The following NRXN3 variants were observed in gnomAD, a reference collection of about 807,000 sequenced individuals.
The protein encoded by NRXN3 is neurexin III.
A neutral mutation model predicts 137.6 loss-of-function variants in NRXN3; 32 were observed. The ratio of observed to expected loss-of-function variants is 0.23; its 90% CI spans 0.18 to 0.31. NRXN3 has a LOEUF of 0.31. NRXN3 is among the 10% of genes least tolerant of loss of function. The probability of loss-of-function intolerance (pLI) is 1.00; values close to 1 mark genes in which losing one functional copy is unlikely to be tolerated. For missense variants in NRXN3, 1,574 were observed against 2,062.5 expected (o/e 0.76, Z 4.59); for synonymous variants, 798 against 784.5 (o/e 1.02, Z -0.29).
chr14:79,472,299 C>A (rs1344086432), intron 16 of NRXN3, among the ~76,000 whole-genome samples: 1 of 152,082 alleles, frequency 6.6e-6, no homozygotes, highest in Non-Finnish European at 1.5e-5. Flanking sequence ...CTAAAGTCTT[C>A]CCACTCATCT....
At chr14:79,823,872 G>C in intron 20 of NRXN3, 1 of 446,646 alleles carries the variant, frequency 2.2e-6, no homozygotes, top group Non-Finnish European at 4.5e-6. Flanking sequence ...TAACACATTA[G>C]TTCCATAAGG....
intron 15 of NRXN3, among the ~76,000 whole-genome samples, chr14:79,418,268 T>C (rs1347274775): frequency 6.6e-6 from 1 of 152,186 alleles, no homozygotes; most frequent in Non-Finnish European, 1.5e-5. Flanking sequence ...TCAGTAATTA[T>C]AAGTCTATAA....
At chr14:79,714,406 C>T (rs535962590) in intron 19 of NRXN3, among the ~76,000 whole-genome samples, 76 of 152,226 alleles carry the variant, frequency 5.0e-4, no homozygotes, top group African/African-American at 8.9e-4. Context: ...AGCCAGAAAA[C>T]GAAGCTGGAG....
chr14:79,139,225 G>T (rs966673807), intron 15 of NRXN3, among the ~76,000 whole-genome samples: 2 of 152,148 alleles, frequency 1.3e-5, no homozygotes, highest in Non-Finnish European at 2.9e-5. Flanking sequence ...TCCATGAATG[G>T]GATCATCTAA....
intron 15 of NRXN3, among the ~76,000 whole-genome samples, chr14:79,222,362 C>A (rs1311660561): frequency 6.6e-6 from 1 of 151,940 alleles, no homozygotes; most frequent in Non-Finnish European, 1.5e-5. Flanking sequence ...TAGCTCATTT[C>A]TCCTGACTGC....
At chr14:79,126,871 C>G (rs926487963) in intron 15 of NRXN3, among the ~76,000 whole-genome samples, 12 of 152,138 alleles carry the variant, frequency 7.9e-5, no homozygotes, top group African/African-American at 2.7e-4. Context: ...GCCATTGTAA[C>G]TGGTGTGAGA....
chr14:79,657,379 G>A (rs1408694543), intron 16 of NRXN3, among the ~76,000 whole-genome samples: 1 of 152,142 alleles, frequency 6.6e-6, no homozygotes, highest in African/African-American at 2.4e-5. Context: ...AAGGGGAGGG[G>A]ACTGGGTCAT....
intron 4 of NRXN3, among the ~76,000 whole-genome samples, chr14:78,642,986 A>G (rs2097650292): frequency 6.6e-6 from 1 of 152,216 alleles, no homozygotes. Flanking sequence ...GCAAGCAGAC[A>G]TATGCAGGTA....
intron 16 of NRXN3, among the ~76,000 whole-genome samples, chr14:79,565,347 G>GTGTATATATATA (rs1491496752): frequency 4.1e-5 from 6 of 146,630 alleles, no homozygotes; most frequent in Non-Finnish European, 6.0e-5. Context: ...ACATATGTGT[G>GTGTATATATATA]CGTATATGTA....
chr14:79,364,418 G>A (rs1270808396), intron 15 of NRXN3, among the ~76,000 whole-genome samples: 2 of 152,140 alleles, frequency 1.3e-5, no homozygotes, highest in African/African-American at 2.4e-5. Flanking sequence ...CGAAGTATGG[G>A]ATGCTTCCCA....
chr14:78,224,833 C>A (rs956039286), intron 1 of NRXN3, among the ~76,000 whole-genome samples: 1 of 123,044 alleles, frequency 8.1e-6, no homozygotes, highest in Non-Finnish European at 1.6e-5. Flanking sequence ...GTGGCGCAAT[C>A]TCGGCTCACT....
At chr14:78,557,468 G>A (rs1161195343) in intron 4 of NRXN3, among the ~76,000 whole-genome samples, 7 of 152,142 alleles carry the variant, frequency 4.6e-5, no homozygotes, top group Non-Finnish European at 1.0e-4. Context: ...GTGTGGCCTT[G>A]AACAATTCAC....
intron 4 of NRXN3, among the ~76,000 whole-genome samples, chr14:78,467,393 G>A (rs1007562757): frequency 2.6e-5 from 4 of 152,148 alleles, no homozygotes; most frequent in African/African-American, 9.7e-5. Flanking sequence ...AACAACACAA[G>A]CACAATAAAA....
At chr14:78,649,354 G>T (rs2097717018) in intron 5 of NRXN3, 4 of 1,075,518 alleles carry the variant, frequency 3.7e-6, no homozygotes, top group Non-Finnish European at 5.1e-6. Flanking sequence ...GGTTTGCCGT[G>T]TGTTGCCCCC....
chr14:79,630,138 C>T (rs546677840), intron 16 of NRXN3, among the ~76,000 whole-genome samples: 1 of 152,206 alleles, frequency 6.6e-6, no homozygotes, highest in East Asian at 1.9e-4. Flanking sequence ...ACTTTTCTGT[C>T]CACAGGGGTA....
chr14:78,264,186 G>T (rs908231055), intron 2 of NRXN3, among the ~76,000 whole-genome samples: 2 of 152,260 alleles, frequency 1.3e-5, no homozygotes, highest in African/African-American at 4.8e-5. Context: ...AGAATCTACA[G>T]CCCCTCTTGT....
chr14:79,775,153 ATTAATG>A (rs1374847173), intron 19 of NRXN3, among the ~76,000 whole-genome samples: 1 of 152,134 alleles, frequency 6.6e-6, no homozygotes, highest in Non-Finnish European at 1.5e-5. Flanking sequence ...TCTATGATCT[ATTAATG>A]TCACAACCAG....
intron 15 of NRXN3, among the ~76,000 whole-genome samples, chr14:79,359,777 A>C (rs2093620754): frequency 6.6e-6 from 1 of 151,338 alleles, no homozygotes; most frequent in Non-Finnish European, 1.5e-5. Context: ...CACCATGTTG[A>C]GCAGAGCAAT....
At chr14:79,127,478 A>G (rs1303800168) in intron 15 of NRXN3, among the ~76,000 whole-genome samples, 1 of 152,174 alleles carries the variant, frequency 6.6e-6, no homozygotes, top group African/African-American at 2.4e-5. Flanking sequence ...CAAAAATCAG[A>G]TAGTTGTAGA....
Sources: allele counts gnomAD v4.1 joint callset (sites outside exome capture counted in the v4.1 genomes callset), GRCh38; gene constraint gnomAD v4.1.1; transcripts MANE v1.5; gene names NCBI Gene and HGNC (gene_info 2026-07-23, HGNC 2026-07-21).